Variants in PRKN observed in about 807,000 individuals in gnomAD.
The protein encoded by PRKN is E3 ubiquitin-protein ligase parkin.
In PRKN, 56 loss-of-function variants were observed where a neutral mutation model predicts 59.5. The observed-to-expected ratio is 0.94, with a 90% CI of 0.76 to 1.18. The LOEUF (loss-of-function observed/expected upper bound fraction) is 1.18. Among genes scored for constraint, PRKN ranks in the 50% most tolerant of loss-of-function variants. PRKN has a pLI of 0.00. For synonymous variants in PRKN, 250 were observed against 222.1 expected (o/e 1.13, Z -1.12); for missense variants, 657 against 596.4 (o/e 1.10, Z -1.06).
intron 1 of PRKN, chr6:162,727,036 A>G (rs1329612531): frequency 6.6e-6 from 1 of 152,206 alleles, no homozygotes; most frequent in East Asian, 1.9e-4. Flanking sequence ...GCAAAAGGCA[A>G]TAGATTTAAT....
intron 1 of PRKN, among the ~76,000 whole-genome samples, chr6:162,510,377 AG>A (rs11356544): frequency 0.059 from 8,918 of 152,238 alleles, 879 homozygotes; most frequent in African/African-American, 0.2. Context: ...TGATGATGGC[AG>A]GTGCTTTCTC....
At chr6:161,754,580 G>T (rs567111650) in intron 7 of PRKN, among the ~76,000 whole-genome samples, 15 of 152,254 alleles carry the variant, frequency 9.9e-5, no homozygotes, top group Non-Finnish European at 1.8e-4. Context: ...GAGGGTCCCT[G>T]CGGCCTCTCA....
chr6:162,707,054 T>TC (rs1271225172), intron 1 of PRKN, among the ~76,000 whole-genome samples: 3 of 152,172 alleles, frequency 2.0e-5, no homozygotes, highest in Non-Finnish European at 4.4e-5. Flanking sequence ...AGCTGTAGAG[T>TC]GAATATAGAA....
At chr6:162,321,291 T>G (rs962135909) in intron 2 of PRKN, among the ~76,000 whole-genome samples, 1 of 151,836 alleles carries the variant, frequency 6.6e-6, no homozygotes. Flanking sequence ...ACAATTCCTG[T>G]AAAGGCTAAA....
At position 161,484,605 on chromosome 6, in the gene PRKN, G is replaced by A. The variant is rs964588692; in HGVS notation, c.1083+64249C>T. On this transcript the variant is annotated intron_variant, in intron 9 of 11. Coordinates refer to ENST00000366898, the MANE Select transcript of PRKN (RefSeq NM_004562.3). This position sits in a 1 kb window ranked among gnomAD's most constrained non-coding sequence, Gnocchi z 4.9. ...CAAGCTGTGGGTACGGACGGCATCA[G>A]AACTAAACGCAGGGAGTCTGACTCA... Among the ~76,000 whole-genome samples the A allele has an allele frequency of 6.6e-6, 1 of 152,236 alleles. No homozygotes were observed. Among genetic ancestry groups the A allele is most frequent in the African/African-American group, 2.4e-5 (1 of 41,540 alleles).
chr6:161,826,755 T>C (rs1229771056), intron 6 of PRKN, among the ~76,000 whole-genome samples: 1 of 152,198 alleles, frequency 6.6e-6, no homozygotes, highest in African/African-American at 2.4e-5. Flanking sequence ...TGGTATCCTT[T>C]CTGACAGCAC....
intron 6 of PRKN, among the ~76,000 whole-genome samples, chr6:161,910,518 G>T (rs1284954517): frequency 6.6e-6 from 1 of 152,126 alleles, no homozygotes; most frequent in Non-Finnish European, 1.5e-5. Flanking sequence ...GCCTCCCAAA[G>T]TGCTGGGATT....
chr6:162,541,381 C>A (rs1778920791), intron 1 of PRKN, among the ~76,000 whole-genome samples: 1 of 152,154 alleles, frequency 6.6e-6, no homozygotes, highest in African/African-American at 2.4e-5. Context: ...ACAGGGAGGG[C>A]AAAGGCAGGG....
chr6:162,717,795 G>C (rs984431047), intron 1 of PRKN, among the ~76,000 whole-genome samples: 2 of 152,170 alleles, frequency 1.3e-5, no homozygotes, highest in African/African-American at 4.8e-5. Flanking sequence ...TTTATGACCA[G>C]AACATGAGCA....
At chr6:161,541,145 C>A (rs182601321) in intron 9 of PRKN, among the ~76,000 whole-genome samples, 6 of 152,324 alleles carry the variant, frequency 3.9e-5, no homozygotes, top group African/African-American at 1.4e-4. Context: ...GTAGAACTTT[C>A]TGCAGTGATG....
intron 5 of PRKN, among the ~76,000 whole-genome samples, chr6:161,993,322 C>T (rs1374289387): frequency 6.6e-6 from 1 of 152,096 alleles, no homozygotes; most frequent in African/African-American, 2.4e-5. Context: ...TTATAAACAA[C>T]TACATGCCAA....
At chr6:162,006,808 T>G (rs746883156) in intron 5 of PRKN, among the ~76,000 whole-genome samples, 9 of 152,174 alleles carry the variant, frequency 5.9e-5, no homozygotes, top group Non-Finnish European at 1.3e-4. Flanking sequence ...ATCATGGCAC[T>G]TATTGGTACC....
intron 1 of PRKN, among the ~76,000 whole-genome samples, chr6:162,637,448 G>A (rs1777769666): frequency 6.6e-6 from 1 of 152,102 alleles, no homozygotes; most frequent in Admixed American, 6.5e-5. Flanking sequence ...ACAGTAGGGA[G>A]AGATCAAAGT....
chr6:161,655,866 GCACACACACACACACACATA>G lies in PRKN; in HGVS notation c.872-86470_872-86451del, dbSNP rs1303026718. 4.7e-3 allele frequency among the ~76,000 whole-genome samples: 645 copies of G among 136,494 alleles called. 16 individuals carry two copies. The East Asian group carries it at 0.062, about 13-fold the overall frequency. 89.5% of individuals were successfully genotyped at this position (136,494 alleles called of 152,430 possible). On this transcript the variant is annotated intron_variant, in intron 7 of 11. Coordinates refer to ENST00000366898, the MANE Select transcript of PRKN (RefSeq NM_004562.3). ...ACCACACAGGCATATCAACACACAT[GCACACACACACACACACATA>G]CACACACACACACACACACACACAC... is the stretch of plus-strand genomic sequence containing the variant.
chr6:162,305,312 ATAT>A (rs1236432802), intron 2 of PRKN, among the ~76,000 whole-genome samples: 1 of 152,228 alleles, frequency 6.6e-6, no homozygotes, highest in African/African-American at 2.4e-5. Context: ...CGAAAAGTTA[ATAT>A]TATGATACAT....
intron 9 of PRKN, among the ~76,000 whole-genome samples, chr6:161,495,244 G>A (rs933772405): frequency 1.2e-4 from 19 of 152,128 alleles, no homozygotes; most frequent in African/African-American, 4.3e-4. Flanking sequence ...AGTGCTCCAA[G>A]GACGCTGGCT....
intron 7 of PRKN, among the ~76,000 whole-genome samples, chr6:161,722,364 C>G (rs1787261871): frequency 6.6e-6 from 1 of 152,136 alleles, no homozygotes; most frequent in African/African-American, 2.4e-5. Flanking sequence ...AAATACTTAT[C>G]TACAAGAAGG....
At chr6:162,376,337 T>G (rs1345112852) in intron 2 of PRKN, among the ~76,000 whole-genome samples, 1 of 151,970 alleles carries the variant, frequency 6.6e-6, no homozygotes, top group Non-Finnish European at 1.5e-5. Context: ...AACACTAGAG[T>G]GGCAAATTGT....
intron 7 of PRKN, among the ~76,000 whole-genome samples, chr6:161,689,185 TACACACACACACAC>T (rs34193135): frequency 0.48 from 68,794 of 144,222 alleles, 16,799 homozygotes; most frequent in Non-Finnish European, 0.55. Flanking sequence ...AATTAAATTG[TACACACACACACAC>T]ACACACACAC....
Sources: allele counts gnomAD v4.1 joint callset (sites outside exome capture counted in the v4.1 genomes callset), GRCh38; gene constraint gnomAD v4.1.1; non-coding constraint Gnocchi (gnomAD v3.1); transcripts MANE v1.5; gene names NCBI Gene and HGNC (gene_info 2026-07-23, HGNC 2026-07-21).